MYT1L: variants seen among roughly 807,000 people sequenced by gnomAD.
MYT1L encodes the protein myelin transcription factor 1-like protein.
A neutral mutation model predicts 126.7 loss-of-function variants in MYT1L; 12 were observed. The observed-to-expected ratio is 0.09, with a 90% confidence interval of 0.06 to 0.15. The LOEUF (loss-of-function observed/expected upper bound fraction) is 0.15, where lower values mean the gene tolerates loss of function less well. Among genes scored for constraint, MYT1L ranks in the 10% least tolerant of loss-of-function variants. The pLI is 1.00. For missense variants in MYT1L, 979 were observed against 1,585.2 expected (o/e 0.62, Z 6.49); for synonymous variants, 541 against 604.2 (o/e 0.90, Z 1.53).
Position 1,793,917 on chromosome 2 carries a change from G to T in MYT1L, c.3277-1453C>A, listed in dbSNP as rs2032805906. On this transcript the variant is annotated intron_variant, in intron 23 of 24. Transcript: ENST00000647738. This position sits in a 1 kb window ranked among gnomAD's most constrained non-coding sequence, Gnocchi z 4.6. ...TCGAAGGGCTGCGTGCCCGGTGCTT[G>T]TCTTCCAGAGCGTTCTGTAGCCCTT... Among the ~76,000 whole-genome samples, 1 of 152,196 alleles carries T rather than the reference G, an allele frequency of 6.6e-6. No individual in the cohort carries two copies. The highest frequency in any genetic ancestry group is 6.5e-5 in the Admixed American group (1 of 15,292).
intron 18 of MYT1L, among the ~76,000 whole-genome samples, chr2:1,862,459 G>C (rs553602433): frequency 1.3e-5 from 2 of 152,244 alleles, no homozygotes; most frequent in South Asian, 4.1e-4. Context: ...CCTAAATCTA[G>C]AATCTATAAT....
At chr2:1,928,050 C>A (rs1279387670) in intron 9 of MYT1L, among the ~76,000 whole-genome samples, 2 of 152,174 alleles carry the variant, frequency 1.3e-5, no homozygotes, top group African/African-American at 4.8e-5. Context: ...TTCCCCCTGG[C>A]TCAAGTGACC....
intron 8 of MYT1L, among the ~76,000 whole-genome samples, chr2:1,944,040 T>C (rs2056953632): frequency 6.6e-6 from 1 of 152,188 alleles, no homozygotes; most frequent in Non-Finnish European, 1.5e-5. Context: ...TGGCCCAGGC[T>C]TGGATGAGAC....
chr2:1,984,234 A>G (rs901512190), intron 5 of MYT1L, among the ~76,000 whole-genome samples: 3 of 152,186 alleles, frequency 2.0e-5, no homozygotes, highest in African/African-American at 7.2e-5. Context: ...TTTGATACAT[A>G]TATTTAGGGG....
At chr2:1,976,470 T>C (rs1009119710) in intron 8 of MYT1L, among the ~76,000 whole-genome samples, 1 of 152,102 alleles carries the variant, frequency 6.6e-6, no homozygotes, top group Non-Finnish European at 1.5e-5. Flanking sequence ...GGTGAAACCC[T>C]GTCTCTACTA....
chr2:1,933,803 C>T (rs140573067), intron 9 of MYT1L, among the ~76,000 whole-genome samples: 10 of 152,034 alleles, frequency 6.6e-5, no homozygotes. Flanking sequence ...CCACATAGGC[C>T]AACCCACATG....
intron 19 of MYT1L, among the ~76,000 whole-genome samples, chr2:1,849,154 C>A (rs1203315794): frequency 1.4e-5 from 2 of 145,436 alleles, no homozygotes; most frequent in African/African-American, 2.5e-5. Flanking sequence ...CAACTCCCAC[C>A]AAAAAAAAAA....
intron 13 of MYT1L, among the ~76,000 whole-genome samples, 194 bp from the exon 14 acceptor site, chr2:1,903,488 G>C (rs887055701): frequency 1.3e-5 from 2 of 152,122 alleles, no homozygotes; most frequent in Non-Finnish European, 2.9e-5. Context: ...CAAATAAACT[G>C]CCTAACAGTC....
At chr2:1,920,648 A>G (rs546973839) in intron 10 of MYT1L, among the ~76,000 whole-genome samples, 4 of 152,366 alleles carry the variant, frequency 2.6e-5, no homozygotes, top group Admixed American at 6.5e-5. Flanking sequence ...AAAAGAAGAC[A>G]CTATTTCTTC....
intron 3 of MYT1L, among the ~76,000 whole-genome samples, chr2:2,129,407 G>C (rs2082084359): frequency 6.6e-6 from 1 of 152,114 alleles, no homozygotes; most frequent in African/African-American, 2.4e-5. Context: ...CATAGAAATG[G>C]GAAAAAACAG....
chr2:2,106,179 T>G (rs2078733527), intron 3 of MYT1L, among the ~76,000 whole-genome samples: 2 of 152,228 alleles, frequency 1.3e-5, no homozygotes, highest in Non-Finnish European at 2.9e-5. Flanking sequence ...GAGCTTCCTT[T>G]GGAAGCCTTT....
intron 8 of MYT1L, among the ~76,000 whole-genome samples, chr2:1,961,509 C>A (rs547385133): frequency 6.6e-6 from 1 of 152,172 alleles, no homozygotes; most frequent in Admixed American, 6.5e-5. Context: ...TCAGAACTGA[C>A]AGCACCTTTG....
intron 5 of MYT1L, among the ~76,000 whole-genome samples, chr2:1,996,801 G>A (rs549794532): frequency 1.2e-4 from 14 of 118,556 alleles, no homozygotes; most frequent in East Asian, 2.9e-4. Flanking sequence ...AGCGAGGGCC[G>A]CCCTGCCTCA....
At chr2:2,004,223 AGGCGT>A (rs2149683954) in intron 4 of MYT1L, among the ~76,000 whole-genome samples, 1 of 127,824 alleles carries the variant, frequency 7.8e-6, no homozygotes, top group South Asian at 2.4e-4. Context: ...TCTTTCCTGC[AGGCGT>A]TCTTTCCTGC....
At chr2:2,044,544 G>C (rs542850288) in intron 4 of MYT1L, among the ~76,000 whole-genome samples, 3 of 152,318 alleles carry the variant, frequency 2.0e-5, no homozygotes, top group African/African-American at 7.2e-5. Flanking sequence ...GAAAATGCTA[G>C]AGTCTCTCCT....
chr2:2,271,851 GAC>G (rs2095270150), intron 2 of MYT1L, among the ~76,000 whole-genome samples: 1 of 152,192 alleles, frequency 6.6e-6, no homozygotes, highest in South Asian at 2.1e-4. Context: ...ATTTTGGAGG[GAC>G]ACACAGTTCA....
At chr2:2,039,798 A>T (rs75070701) in intron 4 of MYT1L, among the ~76,000 whole-genome samples, 1 of 152,132 alleles carries the variant, frequency 6.6e-6, no homozygotes, top group African/African-American at 2.4e-5. Context: ...GCGGAGTGTG[A>T]CTAGGGACAT....
rs576819385 is a variant in MYT1L, at chr2:1,902,864, G to A, written c.2032+216C>T. ...TGCGCTGTCTCGGAATTATTGAGGGGAAACCATCTCCTTCCTTCCCCTGAA... is the reference window on the plus strand; with the variant it reads ...TGCGCTGTCTCGGAATTATTGAGGGAAAACCATCTCCTTCCTTCCCCTGAA... On this transcript the variant is annotated intron_variant, in intron 14 of 24. Transcript: ENST00000647738. 26 of 566,854 alleles carry A rather than the reference G, an allele frequency of 4.6e-5. No homozygotes were observed. The South Asian group carries it at 4.9e-4, about 11-fold the overall frequency. 35.1% of individuals were successfully genotyped at this position (566,854 alleles called of 1,614,324 possible).
At chr2:2,140,591 C>T (rs576931511) in intron 3 of MYT1L, among the ~76,000 whole-genome samples, 14 of 152,024 alleles carry the variant, frequency 9.2e-5, no homozygotes, top group African/African-American at 3.1e-4. Context: ...CCCGCCACCA[C>T]GCCTGGCTAA....
Sources: gnomAD v4.1 joint callset for allele counts (sites outside exome capture counted in the v4.1 genomes callset) on GRCh38, gnomAD v4.1.1 for gene constraint, Gnocchi (gnomAD v3.1) non-coding constraint, MANE v1.5 for transcripts, NCBI Gene and HGNC (gene_info 2026-07-23, HGNC 2026-07-21) for gene names.